TACC2: variants seen among roughly 807,000 people sequenced by gnomAD.
TACC2 encodes the protein transforming acidic coiled-coil-containing protein 2.
TACC2 carries 137 observed loss-of-function variants against 227.3 expected under a neutral mutation model. That is an observed-to-expected ratio of 0.60 (90% confidence interval 0.52 to 0.69). The LOEUF is 0.69. TACC2 is among the 30% of genes least tolerant of loss of function. TACC2 has a pLI of 0.00. For synonymous variants in TACC2, 1,523 were observed against 1,487.5 expected, an observed-to-expected ratio of 1.02 and a Z score of -0.55; for missense variants, 3,470 against 3,694.4, an observed-to-expected ratio of 0.94 and a Z score of 1.57.
At chr10:122,203,939 C>G (rs1024299269) in intron 8 of TACC2, among the ~76,000 whole-genome samples, 2 of 151,940 alleles carry the variant, frequency 1.3e-5, no homozygotes, top group African/African-American at 4.8e-5. Context: ...GCGGATCACT[C>G]GCGGTTAGGG....
intron 5 of TACC2, among the ~76,000 whole-genome samples, chr10:122,107,549 G>C (rs1408098534): frequency 1.3e-5 from 2 of 151,922 alleles, no homozygotes; most frequent in Non-Finnish European, 2.9e-5. Context: ...AGATCACACT[G>C]TTGCACTCCA....
At chr10:122,158,757 G>A (rs2092646633) in intron 7 of TACC2, among the ~76,000 whole-genome samples, 1 of 152,226 alleles carries the variant, frequency 6.6e-6, no homozygotes, top group African/African-American at 2.4e-5. Flanking sequence ...GACTCCCAGA[G>A]GTGAGCAGGT....
chr10:122,143,737 GC>G, intron 7 of TACC2, 31 bp downstream of exon 7: 1 of 1,604,586 alleles, frequency 6.2e-7, no homozygotes. Flanking sequence ...CACAGCACCT[GC>G]CCCCGGAGAG....
intron 6 of TACC2, among the ~76,000 whole-genome samples, chr10:122,136,788 A>G (rs938929888): frequency 1.1e-4 from 16 of 152,246 alleles, no homozygotes; most frequent in African/African-American, 3.9e-4. Flanking sequence ...TCCTGACCTC[A>G]GGTGATCTGC....
chr10:122,118,384 A>G (rs937262936), intron 5 of TACC2, among the ~76,000 whole-genome samples: 1 of 152,070 alleles, frequency 6.6e-6, no homozygotes, highest in Admixed American at 6.6e-5. Context: ...AGGACTCTGC[A>G]TTCTGGAACT....
At chr10:122,173,301 T>G (rs1264539534) in intron 7 of TACC2, among the ~76,000 whole-genome samples, 1 of 152,190 alleles carries the variant, frequency 6.6e-6, no homozygotes, top group Non-Finnish European at 1.5e-5. Flanking sequence ...TGCAACCTCC[T>G]TGGCAGACAT....
chr10:122,197,392 G>A (rs1008188038), intron 8 of TACC2, among the ~76,000 whole-genome samples: 1 of 152,242 alleles, frequency 6.6e-6, no homozygotes, highest in South Asian at 2.1e-4. Flanking sequence ...TTCCCAGTCC[G>A]ACATCCTGCC....
intron 5 of TACC2, among the ~76,000 whole-genome samples, chr10:122,116,459 A>C (rs1478216045): frequency 6.6e-6 from 1 of 152,200 alleles, no homozygotes; most frequent in Admixed American, 6.5e-5. Context: ...CCTATATTGG[A>C]GTTCTTGCCC....
chr10:122,090,257 T>C (rs1019586445), intron 5 of TACC2, among the ~76,000 whole-genome samples: 2 of 152,010 alleles, frequency 1.3e-5, no homozygotes, highest in African/African-American at 4.8e-5. Context: ...GAAAAGTAGA[T>C]ACAGAAGGGG....
intron 1 of TACC2, among the ~76,000 whole-genome samples, chr10:122,000,272 G>A (rs534873089): frequency 3.9e-5 from 6 of 152,246 alleles, no homozygotes; most frequent in East Asian, 1.9e-4. Context: ...CCAGCTACTC[G>A]CAAGGCTAAG....
intron 7 of TACC2, among the ~76,000 whole-genome samples, chr10:122,175,319 G>A (rs2093648569): frequency 6.6e-6 from 1 of 152,186 alleles, no homozygotes; most frequent in Non-Finnish European, 1.5e-5. Flanking sequence ...CTGATGCATT[G>A]TGGAAAAGGA....
chr10:122,216,559 C>T lies in TACC2; in HGVS notation c.7345-68C>T, dbSNP rs1476604549. On this transcript the variant is annotated intron_variant, in intron 10 of 22. Transcript: ENST00000369005. ...TGTCCTGGCTAATGGGTCCCCAGAC[C>T]TGAGGGTGGGCACAGTTTCTGACCA... 5 of 1,536,018 alleles carry T rather than the reference C, an allele frequency of 3.3e-6. No homozygotes were observed. The African/African-American group carries it at 4.1e-5, about 13-fold the overall frequency.
intron 7 of TACC2, among the ~76,000 whole-genome samples, chr10:122,168,494 A>G (rs2093313952): frequency 1.3e-5 from 2 of 152,116 alleles, no homozygotes; most frequent in African/African-American, 4.8e-5. Context: ...GCCTGTGTTC[A>G]TAAGGGTCCT....
At chr10:122,017,030 C>T (rs1313675352) in intron 1 of TACC2, among the ~76,000 whole-genome samples, 1 of 152,058 alleles carries the variant, frequency 6.6e-6, no homozygotes, top group Non-Finnish European at 1.5e-5. Flanking sequence ...AGACACCAAC[C>T]CGGCCAAAAC....
intron 5 of TACC2, among the ~76,000 whole-genome samples, chr10:122,098,259 G>GTCTTGGCC (rs1311558494): frequency 6.6e-6 from 1 of 152,174 alleles, no homozygotes; most frequent in Non-Finnish European, 1.5e-5. Context: ...TAGAGAGCTG[G>GTCTTGGCC]TCTTGGCCTC....
intron 11 of TACC2, among the ~76,000 whole-genome samples, chr10:122,219,149 G>A (rs2095473816): frequency 1.3e-5 from 2 of 151,914 alleles, no homozygotes; most frequent in African/African-American, 4.8e-5. Flanking sequence ...GCCTGTTCCC[G>A]GAACACCCCT....
Position 122,087,535 on chromosome 10 carries a change from A to G in TACC2, c.5035A>G (p.Ser1679Gly). 3 of 1,613,874 alleles carry G rather than the reference A, an allele frequency of 1.9e-6. No individual in the cohort carries two copies. The highest frequency in any genetic ancestry group is 2.5e-6 in the Non-Finnish European group (3 of 1,180,028). ...AATGCGAAATGCCCTGGGCAACCAG[A>G]GCACCCCTGCACCACCAACTGGAGA... ...LEMRNALGNQ[S>G]TPAPPTGEVA... Residue 1679 changes from serine to glycine, a missense_variant, in exon 4 of 23, where the codon AGC becomes GGC. Physicochemically the swap from Ser to Gly is moderately conservative, Grantham distance 56. Transcript: ENST00000369005.
At chr10:122,027,070 C>T (rs1958123159) in intron 2 of TACC2, among the ~76,000 whole-genome samples, 1 of 152,304 alleles carries the variant, frequency 6.6e-6, no homozygotes, top group East Asian at 1.9e-4. Context: ...CATTTTGCGT[C>T]CCTACCAGCT....
chr10:122,028,129 C>T (rs1409386880), intron 2 of TACC2, among the ~76,000 whole-genome samples: 2 of 117,482 alleles, frequency 1.7e-5, no homozygotes, highest in African/African-American at 3.9e-5. Flanking sequence ...ACTCTGTCAC[C>T]CAGACTGGAG....
Sources: allele counts gnomAD v4.1 joint callset (sites outside exome capture counted in the v4.1 genomes callset), GRCh38; gene constraint gnomAD v4.1.1; transcripts MANE v1.5; gene names NCBI Gene and HGNC (gene_info 2026-07-23, HGNC 2026-07-21).